SNX4: variants seen among roughly 807,000 people sequenced by gnomAD.
The protein encoded by SNX4 is sorting nexin 4.
In SNX4, 49 loss-of-function variants were observed where a neutral mutation model predicts 70.8. The observed-to-expected ratio is 0.69, with a 90% confidence interval of 0.55 to 0.88. The LOEUF (loss-of-function observed/expected upper bound fraction) is 0.88, where lower values mean the gene tolerates loss of function less well. SNX4 is among the 40% of genes least tolerant of loss of function. The pLI, the probability that SNX4 is intolerant of heterozygous loss-of-function variation, is 0.00. For missense variants in SNX4, 528 were observed against 544.8 expected, an observed-to-expected ratio of 0.97 and a Z score of 0.31; for synonymous variants, 206 against 183.8, an observed-to-expected ratio of 1.12 and a Z score of -0.98.
chr3:125,496,553 A>G (rs1324331975), intron 5 of SNX4, among the ~76,000 whole-genome samples: 6 of 152,164 alleles, frequency 3.9e-5, no homozygotes. Context: ...ATTATGTTAT[A>G]TATCAATTTA....
intron 6 of SNX4, among the ~76,000 whole-genome samples, chr3:125,483,161 T>C (rs1221660951): frequency 6.7e-6 from 1 of 149,608 alleles, no homozygotes; most frequent in African/African-American, 2.4e-5. Flanking sequence ...TATATAAATA[T>C]GTATTTTATA....
chr3:125,496,955 T>C (rs1934805272), intron 5 of SNX4, among the ~76,000 whole-genome samples: 1 of 151,962 alleles, frequency 6.6e-6, no homozygotes, highest in East Asian at 1.9e-4. Context: ...TGAGCAACTG[T>C]CGGGGGCAGG....
chr3:125,481,405 C>T (rs192042815), intron 6 of SNX4, among the ~76,000 whole-genome samples: 92 of 151,564 alleles, frequency 6.1e-4, no homozygotes, highest in Admixed American at 1.8e-3. Context: ...CTTCACCCAT[C>T]TCTTATATCT....
intron 12 of SNX4, 99 bp from the exon 13 acceptor site, chr3:125,451,518 T>C (rs1465686711): frequency 5.2e-6 from 4 of 769,508 alleles, no homozygotes; most frequent in East Asian, 2.5e-5. Context: ...TAATTGCCTA[T>C]GTAGAAGGAA....
At chr3:125,477,752 A>C (rs1284556962) in intron 7 of SNX4, among the ~76,000 whole-genome samples, 1 of 152,200 alleles carries the variant, frequency 6.6e-6, no homozygotes, top group Non-Finnish European at 1.5e-5. Flanking sequence ...TGCTCTGAGG[A>C]AACACGTACC....
chr3:125,463,712 T>C (rs555389246), intron 9 of SNX4, among the ~76,000 whole-genome samples: 3 of 152,344 alleles, frequency 2.0e-5, no homozygotes, highest in African/African-American at 7.2e-5. Flanking sequence ...ATGTGATGTT[T>C]TGATGTATGT....
intron 9 of SNX4, among the ~76,000 whole-genome samples, chr3:125,467,673 A>G (rs1490141069): frequency 6.6e-6 from 1 of 152,074 alleles, no homozygotes; most frequent in Non-Finnish European, 1.5e-5. Context: ...TCAGCCTTCT[A>G]CAGTGCTGGG....
rs955095358 is a variant in SNX4 at position 125,447,271 on chromosome 3, T to C, written c.*508A>G. ...AAACATTACAAGGGGCATCAATGAATGTAGAAGAAAATCGTAGATTTTTCA... is the reference window on the plus strand; with the variant it reads ...AAACATTACAAGGGGCATCAATGAACGTAGAAGAAAATCGTAGATTTTTCA... On this transcript the variant is annotated 3_prime_UTR_variant, in exon 14 of 14. Coordinates refer to ENST00000251775, the MANE Select transcript of SNX4 (RefSeq NM_003794.4). The C allele has an allele frequency of 3.3e-5, 5 of 152,744 alleles. No individual in the cohort carries two copies. Among genetic ancestry groups the C allele is most frequent in the South Asian group, 2.1e-4 (1 of 4,840 alleles). 9.5% of individuals were successfully genotyped at this position (152,744 alleles called of 1,614,324 possible).
chr3:125,500,427 A>C (rs543958847), intron 2 of SNX4, among the ~76,000 whole-genome samples: 1 of 152,318 alleles, frequency 6.6e-6, no homozygotes, highest in East Asian at 1.9e-4. Context: ...CAGGGACTTT[A>C]GTTTTATTCA....
intron 8 of SNX4, among the ~76,000 whole-genome samples, chr3:125,471,162 T>C (rs925279782): frequency 2.6e-5 from 4 of 151,824 alleles, no homozygotes; most frequent in Admixed American, 6.6e-5. Flanking sequence ...CTGACCAACA[T>C]GGAGAAACCC....
intron 1 of SNX4, among the ~76,000 whole-genome samples, chr3:125,515,356 A>AAT (rs3030891): frequency 1.0e-3 from 144 of 143,502 alleles, no homozygotes; most frequent in South Asian, 8.7e-3. Flanking sequence ...TGTCTCAAAA[A>AAT]ATATATATAT....
intron 1 of SNX4, among the ~76,000 whole-genome samples, chr3:125,516,583 G>A (rs566080958): frequency 4.5e-4 from 69 of 152,336 alleles, no homozygotes; most frequent in African/African-American, 1.7e-3. Flanking sequence ...GCTCACGCCT[G>A]TAATCCCAGC....
rs1443924631 is a variant in SNX4 at position 125,488,094 on chromosome 3, G to C, written c.653+1314C>G. On this transcript the variant is annotated intron_variant, in intron 6 of 13. Transcript: ENST00000251775. ...GGAGGGGTGTGGAGAGAAGGTATTT[G>C]GGAATTCTCTGTATACTCCACTCAA... Among the ~76,000 whole-genome samples, 7 of 146,948 alleles carry C rather than the reference G, an allele frequency of 4.8e-5. No individual in the cohort carries two copies. The South Asian group carries it at 1.5e-3, about 32-fold the overall frequency.
Position 125,447,671 on chromosome 3 carries a change from A to C in SNX4, c.*108T>G. The C allele has an allele frequency of 1.5e-6, 1 of 686,504 alleles. No homozygotes were observed. The highest frequency in any genetic ancestry group is 2.5e-6 in the Non-Finnish European group (1 of 407,132). The allele number at this position is 686,504 out of a possible 1,614,324, so 42.5% of individuals were successfully genotyped here. On this transcript the variant is annotated 3_prime_UTR_variant, in exon 14 of 14. Transcript: ENST00000251775. ...AAGTTAAAGAAAGCTGAATTTATTT[A>C]ACTTATTGTATATGTTTATGTATAC...
At chr3:125,492,132 A>G (rs1236317242) in intron 5 of SNX4, among the ~76,000 whole-genome samples, 1 of 148,676 alleles carries the variant, frequency 6.7e-6, no homozygotes, top group Non-Finnish European at 1.5e-5. Context: ...AAAAAAAAAA[A>G]AGAATATAAG....
chr3:125,495,354 C>T (rs1483270925), intron 5 of SNX4, among the ~76,000 whole-genome samples: 1 of 147,272 alleles, frequency 6.8e-6, no homozygotes, highest in Non-Finnish European at 1.5e-5. Flanking sequence ...GTATATGAGG[C>T]TATGCAAAAA....
At position 125,469,299 on chromosome 3, in the gene SNX4, C is replaced by T. The variant is rs1056443254; in HGVS notation, c.854+155G>A. On this transcript the variant is annotated intron_variant, in intron 9 of 13. Transcript: ENST00000251775. ...GATGGATTTTCAAATGTTAAACTAA[C>T]TTTGCATTCCTGAGATAAATTTAAG... is the stretch of plus-strand genomic sequence containing the variant. 3.2e-4 allele frequency: 152 copies of T among 475,698 alleles called. No individual in the cohort carries two copies. In the East Asian group the frequency reaches 4.9e-3, roughly 15 times the overall value. The allele number at this position is 475,698 out of a possible 1,614,324, so 29.5% of individuals were successfully genotyped here.
chr3:125,513,282 G>C (rs1205044581), intron 1 of SNX4, among the ~76,000 whole-genome samples: 2 of 152,168 alleles, frequency 1.3e-5, no homozygotes, highest in African/African-American at 4.8e-5. Context: ...GCCCTCACCA[G>C]TCACTGAATC....
At position 125,497,951 on chromosome 3, in the gene SNX4, G is replaced by A; in HGVS notation, c.432C>T (p.Asp144=). 1 of 1,614,190 alleles carries A rather than the reference G, an allele frequency of 6.2e-7. No homozygotes were observed. The highest frequency in any genetic ancestry group is 8.5e-7 in the Non-Finnish European group (1 of 1,180,046). Residue 144 remains aspartate (D), a synonymous_variant, in exon 4 of 14, where the codon GAC becomes GAT. Coordinates refer to ENST00000251775, the MANE Select transcript of SNX4 (RefSeq NM_003794.4). The part of the protein sequence containing the change: ...AEFVWHKLSA[D]NMDPDFVERR... ...TCTCCACAAAATCTGGATCCATGTT[G>A]TCAGCAGAGAGTTTATGCCAAACAA...
Sources: allele counts gnomAD v4.1 joint callset (sites outside exome capture counted in the v4.1 genomes callset), GRCh38; gene constraint gnomAD v4.1.1; transcripts MANE v1.5; gene names NCBI Gene and HGNC (gene_info 2026-07-23, HGNC 2026-07-21).